SP140: variants seen among roughly 807,000 people sequenced by gnomAD.
The protein encoded by SP140 is SP140 nuclear body protein, also known as nuclear body protein SP140.
Under a neutral mutation model 125.0 loss-of-function variants are expected in SP140, and 81 were observed. The observed-to-expected ratio is 0.65, with a 90% CI of 0.54 to 0.78. SP140 has a LOEUF of 0.78. SP140 is among the 30% of genes least tolerant of loss of function. The probability of loss-of-function intolerance (pLI) is 0.00; values close to 1 mark genes in which losing one functional copy is unlikely to be tolerated. For missense variants in SP140, 858 were observed against 1,037.0 expected, an observed-to-expected ratio of 0.83 and a Z score of 2.37; for synonymous variants, 312 against 354.0, an observed-to-expected ratio of 0.88 and a Z score of 1.33.
intron 12 of SP140, among the ~76,000 whole-genome samples, chr2:230,260,293 G>C (rs1356873935): frequency 6.6e-6 from 1 of 152,000 alleles, no homozygotes; most frequent in Admixed American, 6.6e-5. Flanking sequence ...GGGATTGTTT[G>C]TTTTTTTCTT....
the SP140 span, among the ~76,000 whole-genome samples, chr2:230,193,146 G>C: frequency 2.0e-5 from 3 of 151,984 alleles, no homozygotes; most frequent in Non-Finnish European, 2.9e-5. Context: ...TTTAAAGTCT[G>C]TTTTATCTGA....
At chr2:230,286,658 A>G (rs146214219) in intron 17 of SP140, among the ~76,000 whole-genome samples, 2 of 152,286 alleles carry the variant, frequency 1.3e-5, no homozygotes, top group African/African-American at 4.8e-5. Flanking sequence ...TACTTCTACA[A>G]CCTGGATGTG....
intron 3 of SP140, among the ~76,000 whole-genome samples, chr2:230,220,316 T>C (rs1418996155): frequency 6.6e-6 from 1 of 152,186 alleles, no homozygotes; most frequent in African/African-American, 2.4e-5. Flanking sequence ...CATTTTAGGT[T>C]GATGAAAATG....
At chr2:230,222,450 C>T (rs903475350), upstream of SP140, among the ~76,000 whole-genome samples, 54 of 152,136 alleles carry the variant, frequency 3.5e-4, no homozygotes, top group African/African-American at 1.2e-3. Flanking sequence ...CCTGGAGAGT[C>T]GCTTGTGCCT....
At position 230,252,818 on chromosome 2, in the gene SP140, G is replaced by A. The variant is rs190957660; in HGVS notation, c.1058-498G>A. Among the ~76,000 whole-genome samples the A allele has an allele frequency of 5.7e-3, 871 of 152,238 alleles. 6 individuals are homozygous for A. Among genetic ancestry groups the A allele is most frequent in the Non-Finnish European group, 9.2e-3 (623 of 68,016 alleles). On this transcript the variant is annotated intron_variant, in intron 10 of 26. Transcript: ENST00000392045. ...GGGTGATGGTTGTGCAAGGCCAGCTGGGGGTTCAGGGCCGGGTCACAGGGT... is the reference window on the plus strand; with the variant it reads ...GGGTGATGGTTGTGCAAGGCCAGCTAGGGGTTCAGGGCCGGGTCACAGGGT...
At chr2:230,186,839 T>A in the SP140 span, among the ~76,000 whole-genome samples, 1 of 152,190 alleles carries the variant, frequency 6.6e-6, no homozygotes, top group East Asian at 1.9e-4. Flanking sequence ...TATTTCATTC[T>A]TTTTTTATGG....
At chr2:230,212,830 C>T in intron 1 of SP140, 1 of 1,614,096 alleles carries the variant, frequency 6.2e-7, no homozygotes, top group Non-Finnish European at 8.5e-7. Context: ...CTGGGCGACT[C>T]ACTCAGGATC....
intron 21 of SP140, among the ~76,000 whole-genome samples, chr2:230,296,553 G>A (rs1366864953): frequency 6.6e-6 from 1 of 152,212 alleles, no homozygotes; most frequent in African/African-American, 2.4e-5. Flanking sequence ...AGAAGGGAGA[G>A]GGAGAGAGTT....
chr2:230,217,678 CACA>C (rs796705891), intron 3 of SP140, among the ~76,000 whole-genome samples: 8 of 152,282 alleles, frequency 5.3e-5, no homozygotes, highest in African/African-American at 1.9e-4. Flanking sequence ...CCCAGGGTTG[CACA>C]ACTAGAGAGT....
intron 22 of SP140, among the ~76,000 whole-genome samples, chr2:230,298,616 C>T (rs1290804625): frequency 2.0e-5 from 3 of 152,052 alleles, no homozygotes; most frequent in Non-Finnish European, 4.4e-5. Context: ...GTATGGTCAC[C>T]CCTGTTAATA....
At chr2:230,255,678 G>T in intron 12 of SP140, 146 bp downstream of exon 12, 1 of 704,634 alleles carries the variant, frequency 1.4e-6, no homozygotes, top group Non-Finnish European at 2.4e-6. Context: ...CACATTTTCT[G>T]TACATGAATC....
At chr2:230,254,898 A>T (rs186206773) in intron 11 of SP140, among the ~76,000 whole-genome samples, 1 of 152,092 alleles carries the variant, frequency 6.6e-6, no homozygotes. Flanking sequence ...TGGGCCCTTG[A>T]GCCACACTTC....
chr2:230,295,425 C>T (rs1190432752), intron 21 of SP140, among the ~76,000 whole-genome samples: 2 of 152,178 alleles, frequency 1.3e-5, no homozygotes, highest in Non-Finnish European at 2.9e-5. Context: ...CACTAAAGAC[C>T]AGCATCTCTA....
rs183403660 is a variant in SP140 at position 230,261,727 on chromosome 2, T to C, written c.1240+6195T>C. On this transcript the variant is annotated intron_variant, in intron 12 of 26. Coordinates refer to ENST00000392045, the MANE Select transcript of SP140 (RefSeq NM_007237.5). ...TGAAATGATCATGTGATTTTTGTTT[T>C]TAATTCTGTTTATGTGGTGTATCAT... Among the ~76,000 whole-genome samples, 107 of 152,346 alleles carry C rather than the reference T, an allele frequency of 7.0e-4. No individual in the cohort carries two copies. The East Asian group carries it at 0.02, about 28-fold the overall frequency.
intron 1 of SP140, among the ~76,000 whole-genome samples, chr2:230,205,272 T>G (rs1028249745): frequency 4.6e-5 from 7 of 152,168 alleles, no homozygotes; most frequent in Admixed American, 1.3e-4. Flanking sequence ...TGTGAAACCC[T>G]ACATAATCTG....
chr2:230,203,515 G>A (rs1018685310), intron 1 of SP140: 2 of 152,288 alleles, frequency 1.3e-5, no homozygotes, highest in African/African-American at 4.8e-5. Flanking sequence ...AAAGCCCGGT[G>A]GGACCCAGGG....
At chr2:230,244,887 G>GC (rs2049203012) in intron 5 of SP140, 101 bp from the exon 6 acceptor site, 1 of 797,548 alleles carries the variant, frequency 1.3e-6, no homozygotes, top group African/African-American at 1.7e-5. Context: ...GAGCAATAGT[G>GC]TTTTTTTGCA....
intron 4 of SP140, among the ~76,000 whole-genome samples, chr2:230,242,015 G>C (rs767278700): frequency 6.6e-6 from 1 of 152,084 alleles, no homozygotes; most frequent in Non-Finnish European, 1.5e-5. Context: ...ATTGCGCAGG[G>C]AGACAAAACT....
chr2:230,202,733 A>G, upstream of SP140: 2 of 1,614,088 alleles, frequency 1.2e-6, no homozygotes, highest in Non-Finnish European at 1.7e-6. Flanking sequence ...CTGTCCCTGG[A>G]CCAAATAATG....
Sources: allele counts gnomAD v4.1 joint callset (sites outside exome capture counted in the v4.1 genomes callset), GRCh38; gene constraint gnomAD v4.1.1; transcripts MANE v1.5; gene names NCBI Gene and HGNC (gene_info 2026-07-23, HGNC 2026-07-21).